The following VTCN1 variants were observed in gnomAD, a reference collection of about 807,000 sequenced individuals.
VTCN1 encodes the protein V-set domain containing T cell activation inhibitor 1, also known as V-set domain-containing T-cell activation inhibitor 1.
VTCN1 carries 26 observed loss-of-function variants against 26.5 expected under a neutral mutation model. The ratio of observed to expected loss-of-function variants is 0.98; its 90% CI spans 0.72 to 1.36. VTCN1 has a LOEUF of 1.36. Ranked by LOEUF, VTCN1 falls within the 40% of genes most tolerant of loss-of-function variation. The pLI is 0.00. For missense variants in VTCN1, 298 were observed against 337.7 expected, an observed-to-expected ratio of 0.88 and a Z score of 0.92; for synonymous variants, 116 against 130.7, an observed-to-expected ratio of 0.89 and a Z score of 0.77.
rs1469314817 is a variant in VTCN1, at chr1:117,178,002, G to A, written c.33-7831C>T. ...TGCCCATGCTGGAGTGCAGTGGTGC[G>A]ATGGTGGGTCACTGCAGCCTTGGCC... On this transcript the variant is annotated intron_variant, in intron 1 of 5. Transcript: ENST00000369458. Among the ~76,000 whole-genome samples the A allele has an allele frequency of 4.7e-5, 7 of 149,710 alleles. No homozygotes were observed. In the East Asian group the frequency reaches 5.9e-4, roughly 13 times the overall value.
rs1197451661 is a variant in VTCN1, at chr1:117,167,044, G to A, written c.97+3063C>T. Among the ~76,000 whole-genome samples, 2 of 147,378 alleles carry A rather than the reference G, an allele frequency of 1.4e-5. No individual in the cohort carries two copies. The highest frequency in any genetic ancestry group is 2.1e-4 in the South Asian group (1 of 4,736). On this transcript the variant is annotated intron_variant, in intron 2 of 5. Transcript: ENST00000369458. This position sits in a 1 kb window ranked among gnomAD's most constrained non-coding sequence, Gnocchi z 4.1. ...GGAGGCAGAGGCTGCAGTGAGCCGA[G>A]ATTATGCCACTGTACTCCAGCCTGA...
chr1:117,166,894 C>A (rs1036378427), intron 2 of VTCN1, among the ~76,000 whole-genome samples: 3 of 151,020 alleles, frequency 2.0e-5, no homozygotes, highest in African/African-American at 4.9e-5. Flanking sequence ...GAGTTCGAGA[C>A]CAGTCTGGCT....
At chr1:117,195,202 C>T (rs1648450101) in intron 1 of VTCN1, among the ~76,000 whole-genome samples, 1 of 151,558 alleles carries the variant, frequency 6.6e-6, no homozygotes, top group South Asian at 2.1e-4. Context: ...ACAGAGGTTG[C>T]AGTGAGCAGA....
At chr1:117,154,804 G>C (rs977657585) in intron 3 of VTCN1, among the ~76,000 whole-genome samples, 1 of 134,756 alleles carries the variant, frequency 7.4e-6, no homozygotes, top group Non-Finnish European at 1.6e-5. Flanking sequence ...AAAAAAAAAA[G>C]AAAGAAAAGA....
intron 1 of VTCN1, among the ~76,000 whole-genome samples, chr1:117,185,727 A>G (rs1647904181): frequency 6.6e-6 from 1 of 152,134 alleles, no homozygotes; most frequent in Admixed American, 6.5e-5. Context: ...GGTCTCCACA[A>G]GCTCTTATCA....
intron 2 of VTCN1, among the ~76,000 whole-genome samples, chr1:117,164,757 T>C (rs1045742446): frequency 1.3e-5 from 2 of 152,186 alleles, no homozygotes; most frequent in South Asian, 2.1e-4. Flanking sequence ...AGTCAGAGGG[T>C]GCGTGATAGC....
intron 4 of VTCN1, among the ~76,000 whole-genome samples, chr1:117,148,777 A>G (rs1651645301): frequency 6.6e-6 from 1 of 152,166 alleles, no homozygotes; most frequent in South Asian, 2.1e-4. Flanking sequence ...TATCACCTTT[A>G]GTGCTGAAAA....
chr1:117,152,975 T>C, intron 4 of VTCN1, 116 bp downstream of exon 4: 2 of 1,206,348 alleles, frequency 1.7e-6, no homozygotes, highest in South Asian at 3.2e-5. Context: ...AAATTCTTAG[T>C]GAAGAGGACT....
chr1:117,157,149 C>T (rs1409730516), intron 2 of VTCN1: 3 of 403,364 alleles, frequency 7.4e-6, no homozygotes, highest in Non-Finnish European at 1.1e-5. Flanking sequence ...TTATGTAAGA[C>T]CAAGTAACCC....
At chr1:117,189,817 T>C (rs1454546304) in intron 1 of VTCN1, among the ~76,000 whole-genome samples, 2 of 152,070 alleles carry the variant, frequency 1.3e-5, no homozygotes, top group Admixed American at 6.5e-5. Context: ...CCCACAGCAA[T>C]GTTAATTTGG....
intron 1 of VTCN1, among the ~76,000 whole-genome samples, chr1:117,182,465 G>GA (rs1647718925): frequency 2.0e-5 from 3 of 152,178 alleles, no homozygotes; most frequent in Admixed American, 2.0e-4. Context: ...CCCACCCCTT[G>GA]AGGGCCTGGC....
Position 117,153,346 on chromosome 1 carries a change from C to T in VTCN1, c.469G>A (p.Val157Met). The T allele has an allele frequency of 6.2e-7, 1 of 1,610,044 alleles. No homozygotes were observed. The highest frequency in any genetic ancestry group is 8.5e-7 in the Non-Finnish European group (1 of 1,176,686). The change falls in exon 4 of 6, where the codon GTG becomes ATG. Residue 157 changes from valine (V) to methionine (M), a missense_variant. By Grantham distance (21) the Val-to-Met change is conservative (BLOSUM62 1). Coordinates refer to ENST00000369458, the MANE Select transcript of VTCN1 (RefSeq NM_024626.4). ...GTCTCTGAGCTGGCATTATAGTCCACATTCACTTCCGGCATGCTGAAGGCT... is the reference window on the plus strand; with the variant it reads ...GTCTCTGAGCTGGCATTATAGTCCATATTCACTTCCGGCATGCTGAAGGCT... ...TGAFSMPEVN[V>M]DYNASSETLR...
At position 117,147,097 on chromosome 1, in the gene VTCN1, T is replaced by A. The variant is rs1030090101; in HGVS notation, c.*45+516A>T. On this transcript the variant is annotated intron_variant, in intron 5 of 5. Coordinates refer to ENST00000369458, the MANE Select transcript of VTCN1 (RefSeq NM_024626.4). This position sits in a 1 kb window ranked among gnomAD's most constrained non-coding sequence, Gnocchi z 4.6. ...CTTCATGATCTCAGCTTTATACACA[T>A]TTCATATGCAGAAGAATATTCAAAA... 6.6e-6 allele frequency among the ~76,000 whole-genome samples: 1 copy of A among 152,122 alleles called. No homozygotes were observed. The highest frequency in any genetic ancestry group is 1.5e-5 in the Non-Finnish European group (1 of 68,036).
intron 1 of VTCN1, among the ~76,000 whole-genome samples, chr1:117,193,454 A>G (rs1376110089): frequency 3.9e-5 from 6 of 152,214 alleles, no homozygotes; most frequent in Admixed American, 3.3e-4. Context: ...GGCTATGCTT[A>G]TATCAGACAA....
At chr1:117,205,220 A>C (rs1432562183) in intron 1 of VTCN1, among the ~76,000 whole-genome samples, 1 of 151,110 alleles carries the variant, frequency 6.6e-6, no homozygotes, top group Non-Finnish European at 1.5e-5. Context: ...CAGTAACACC[A>C]ATGATGGCTC....
intron 1 of VTCN1, chr1:117,172,319 A>C (rs1027136196): frequency 1.2e-5 from 6 of 518,096 alleles, no homozygotes; most frequent in African/African-American, 1.2e-4. Context: ...GTGCAGCCAC[A>C]AGGCAGCAAG....
In VTCN1 at chr1:117,173,298, G is replaced by A. The variant is rs1653023533; in HGVS notation, c.33-3127C>T. ...TTAGTTAAGGTCATACCAGAGTAGG[G>A]TAGTGGTTAATTCCTAATCCAATAT... is the stretch of plus-strand genomic sequence containing the variant. On this transcript the variant is annotated intron_variant, in intron 1 of 5. Transcript: ENST00000369458. The A allele has an allele frequency of 1.4e-5, 9 of 632,022 alleles. No homozygotes were observed. The South Asian group carries it at 1.7e-4, about 12-fold the overall frequency. 39.2% of individuals were successfully genotyped at this position (632,022 alleles called of 1,614,324 possible). A position where few individuals can be genotyped will look rare whatever the true frequency, so the allele number is the denominator to read the frequency against.
chr1:117,151,474 G>C (rs980529439), intron 4 of VTCN1, among the ~76,000 whole-genome samples: 1 of 152,174 alleles, frequency 6.6e-6, no homozygotes, highest in African/African-American at 2.4e-5. Context: ...CTACCGGGTT[G>C]CTGCTGCTGG....
At chr1:117,179,385 G>T (rs961635253) in intron 1 of VTCN1, among the ~76,000 whole-genome samples, 1 of 152,126 alleles carries the variant, frequency 6.6e-6, no homozygotes, top group South Asian at 2.1e-4. Flanking sequence ...AGGGAACTAG[G>T]GTGGTTTAAT....
Sources: allele counts gnomAD v4.1 joint callset (sites outside exome capture counted in the v4.1 genomes callset), GRCh38; gene constraint gnomAD v4.1.1; non-coding constraint Gnocchi (gnomAD v3.1); transcripts MANE v1.5; gene names NCBI Gene and HGNC (gene_info 2026-07-23, HGNC 2026-07-21).